The following SGCZ variants were observed in gnomAD, a reference collection of about 807,000 sequenced individuals.
SGCZ encodes zeta-sarcoglycan.
In SGCZ, 40 loss-of-function variants were observed where a neutral mutation model predicts 41.3. The observed-to-expected ratio is 0.97, with a 90% CI of 0.75 to 1.26. SGCZ has a LOEUF of 1.26. Ranked by LOEUF, SGCZ falls within the 50% of genes most tolerant of loss-of-function variation. The pLI, the probability that SGCZ is intolerant of heterozygous loss-of-function variation, is 0.00. For synonymous variants in SGCZ, 206 were observed against 137.5 expected (o/e 1.50, Z -3.49); for missense variants, 552 against 369.8 (o/e 1.49, Z -4.04).
chr8:14,423,110 G>C (rs1799679764), intron 2 of SGCZ, among the ~76,000 whole-genome samples: 1 of 151,436 alleles, frequency 6.6e-6, no homozygotes, highest in Admixed American at 6.6e-5. Flanking sequence ...TTTTTTTCTT[G>C]GCAGTGTTGT....
intron 1 of SGCZ, among the ~76,000 whole-genome samples, chr8:15,008,260 G>A (rs955553122): frequency 1.3e-4 from 20 of 151,890 alleles, no homozygotes; most frequent in Non-Finnish European, 2.1e-4. Flanking sequence ...TTAATTCGTA[G>A]GGCCTTCCTA....
At chr8:14,464,424 A>G (rs1800989372) in intron 2 of SGCZ, among the ~76,000 whole-genome samples, 1 of 150,056 alleles carries the variant, frequency 6.7e-6, no homozygotes, top group Admixed American at 6.7e-5. Context: ...AATCCTTTTT[A>G]TAACTGTAGA....
chr8:14,848,420 A>C (rs1019080527), intron 1 of SGCZ, among the ~76,000 whole-genome samples: 16 of 152,212 alleles, frequency 1.1e-4, no homozygotes, highest in Non-Finnish European at 2.2e-4. Context: ...AGAGGAACCA[A>C]ATAGGAGGAT....
At chr8:15,215,748 A>G (rs1301977800) in intron 1 of SGCZ, among the ~76,000 whole-genome samples, 1 of 152,244 alleles carries the variant, frequency 6.6e-6, no homozygotes, top group Admixed American at 6.5e-5. Flanking sequence ...GCTCTGGAAT[A>G]GTAATAAACC....
At chr8:14,791,747 T>C (rs1396457452) in intron 1 of SGCZ, among the ~76,000 whole-genome samples, 1 of 152,222 alleles carries the variant, frequency 6.6e-6, no homozygotes, top group Non-Finnish European at 1.5e-5. Context: ...CAACCTTCAG[T>C]AATCCCCATG....
chr8:14,366,501 G>T (rs952065586), intron 2 of SGCZ, among the ~76,000 whole-genome samples: 4 of 151,988 alleles, frequency 2.6e-5, no homozygotes, highest in South Asian at 2.1e-4. Flanking sequence ...AAAATTTGGT[G>T]GGGGGGACAC....
At chr8:14,129,601 T>C (rs1802972950) in intron 5 of SGCZ, among the ~76,000 whole-genome samples, 2 of 151,618 alleles carry the variant, frequency 1.3e-5, no homozygotes, top group African/African-American at 2.4e-5. Context: ...GAACATCCAT[T>C]ATAAAAGAAG....
At position 14,460,723 on chromosome 8, in the gene SGCZ, G is replaced by A. The variant is rs957951; in HGVS notation, c.234+94009C>T. Among the ~76,000 whole-genome samples the A allele has an allele frequency of 3.3e-4, 50 of 152,164 alleles. 1 individual carries two copies. The highest frequency in any genetic ancestry group is 1.2e-3 in the African/African-American group (48 of 41,532). On this transcript the variant is annotated intron_variant, in intron 2 of 7. Coordinates refer to ENST00000382080, the MANE Select transcript of SGCZ (RefSeq NM_139167.4). ...GTGTATTAGATCAAGAAAGACAAGT[G>A]TGTGTAGTGTTTCAAAAGGTACAAT...
intron 3 of SGCZ, among the ~76,000 whole-genome samples, chr8:14,239,460 G>A (rs187540883): frequency 6.6e-6 from 1 of 152,052 alleles, no homozygotes; most frequent in Non-Finnish European, 1.5e-5. Context: ...CTCAATATTT[G>A]TATGATATAG....
intron 1 of SGCZ, among the ~76,000 whole-genome samples, chr8:15,181,303 T>C (rs1449262641): frequency 6.6e-6 from 1 of 152,170 alleles, no homozygotes; most frequent in African/African-American, 2.4e-5. Flanking sequence ...TCACCTTTTT[T>C]TCTACTTAAG....
At chr8:14,153,100 G>T (rs1434050375) in intron 5 of SGCZ, among the ~76,000 whole-genome samples, 1 of 152,082 alleles carries the variant, frequency 6.6e-6, no homozygotes, top group African/African-American at 2.4e-5. Flanking sequence ...GTCTTAACTG[G>T]ATCAATGTCA....
At chr8:14,904,665 C>T (rs1456652048) in intron 1 of SGCZ, among the ~76,000 whole-genome samples, 1 of 151,946 alleles carries the variant, frequency 6.6e-6, no homozygotes, top group African/African-American at 2.4e-5. Flanking sequence ...GAGATTCTCT[C>T]CTCAATAAGA....
At chr8:14,295,189 T>C (rs1402688067) in intron 3 of SGCZ, among the ~76,000 whole-genome samples, 1 of 152,188 alleles carries the variant, frequency 6.6e-6, no homozygotes, top group Non-Finnish European at 1.5e-5. Context: ...AGAAATGTTC[T>C]TCAACTGGTG....
intron 2 of SGCZ, among the ~76,000 whole-genome samples, chr8:14,441,864 G>A (rs534080431): frequency 6.6e-6 from 1 of 152,028 alleles, no homozygotes; most frequent in Non-Finnish European, 1.5e-5. Context: ...ACCTGACACT[G>A]AGAATGTTTG....
At chr8:14,334,904 T>C (rs1033616240) in intron 2 of SGCZ, among the ~76,000 whole-genome samples, 18 of 152,154 alleles carry the variant, frequency 1.2e-4, no homozygotes, top group African/African-American at 3.1e-4. Context: ...CCTGTGTGTA[T>C]TTCCGACTGT....
chr8:15,134,295 G>A (rs1025194900), intron 1 of SGCZ, among the ~76,000 whole-genome samples: 2 of 128,746 alleles, frequency 1.6e-5, no homozygotes, highest in Non-Finnish European at 3.3e-5. Context: ...TACAATAGGA[G>A]CATTAGGTCT....
At chr8:15,035,819 G>A (rs1803855254) in intron 1 of SGCZ, among the ~76,000 whole-genome samples, 1 of 152,044 alleles carries the variant, frequency 6.6e-6, no homozygotes, top group African/African-American at 2.4e-5. Flanking sequence ...TAATATTGGA[G>A]CACCTAAATA....
chr8:14,723,682 A>G (rs1809961708), intron 1 of SGCZ, among the ~76,000 whole-genome samples: 1 of 152,030 alleles, frequency 6.6e-6, no homozygotes, highest in African/African-American at 2.4e-5. Context: ...ATATATATAT[A>G]TGTCTGTGTC....
chr8:15,146,672 G>A (rs891606196), intron 1 of SGCZ, among the ~76,000 whole-genome samples: 12 of 152,184 alleles, frequency 7.9e-5, no homozygotes, highest in Non-Finnish European at 1.3e-4. Flanking sequence ...ACCTCTGTGA[G>A]CATGGGGAAG....
Sources: allele counts gnomAD v4.1 joint callset (sites outside exome capture counted in the v4.1 genomes callset), GRCh38; gene constraint gnomAD v4.1.1; transcripts MANE v1.5; gene names NCBI Gene and HGNC (gene_info 2026-07-23, HGNC 2026-07-21).